RIN2: variants seen among roughly 807,000 people sequenced by gnomAD.
RIN2 encodes RAB5 interacting protein 2.
In RIN2, 36 loss-of-function variants were observed where a neutral mutation model predicts 78.0. The ratio of observed to expected loss-of-function variants is 0.46; its 90% confidence interval spans 0.35 to 0.61. RIN2 has a LOEUF of 0.61. Ranked by LOEUF, RIN2 falls within the 20% of genes least tolerant of loss-of-function variation. The pLI is 0.00. For synonymous variants in RIN2, 466 were observed against 466.8 expected (o/e 1.00, Z 0.02); for missense variants, 1,087 against 1,159.7 (o/e 0.94, Z 0.91).
At chr20:19,765,216 C>T (rs2033836530) in intron 1 of RIN2, among the ~76,000 whole-genome samples, 1 of 152,112 alleles carries the variant, frequency 6.6e-6, no homozygotes, top group Non-Finnish European at 1.5e-5. Flanking sequence ...ATTAATTCTT[C>T]CAGTGAAATT....
intron 2 of RIN2, among the ~76,000 whole-genome samples, chr20:19,801,464 GC>G (rs989250666): frequency 1.4e-4 from 22 of 151,992 alleles, no homozygotes; most frequent in African/African-American, 5.3e-4. Context: ...GGGACTACAG[GC>G]CCCCACCACC....
chr20:19,838,191 G>GT (rs2036477172), intron 2 of RIN2, among the ~76,000 whole-genome samples: 1 of 152,144 alleles, frequency 6.6e-6, no homozygotes, highest in East Asian at 1.9e-4. Context: ...TCTGCAATAA[G>GT]TAAGTCTAAG....
intron 3 of RIN2, chr20:19,934,461 G>C (rs1044090346): frequency 1.3e-5 from 13 of 984,852 alleles, no homozygotes; most frequent in Non-Finnish European, 1.6e-5. Context: ...AGATGGGGCC[G>C]CCTTTTCCCC....
chr20:19,844,600 CCTCTTCTTCTTCT>C (rs2036682821), intron 2 of RIN2, among the ~76,000 whole-genome samples: 3 of 74,812 alleles, frequency 4.0e-5, no homozygotes, highest in Non-Finnish European at 5.8e-5. Context: ...GCTGCTTCTT[CCTCTTCTTCTTCT>C]TCTTCTTCTT....
At chr20:19,981,092 G>A (rs1174196704) in intron 9 of RIN2, among the ~76,000 whole-genome samples, 1 of 152,136 alleles carries the variant, frequency 6.6e-6, no homozygotes, top group Non-Finnish European at 1.5e-5. Context: ...TTAATCCTCC[G>A]AATGCCTTGG....
chr20:19,861,684 G>C (rs116773229), intron 2 of RIN2, among the ~76,000 whole-genome samples: 1 of 127,308 alleles, frequency 7.9e-6, no homozygotes, highest in Non-Finnish European at 1.6e-5. Flanking sequence ...ATGACCCTCC[G>C]TATCTGATCA....
chr20:19,988,719 A>G (rs1002716341), intron 9 of RIN2, among the ~76,000 whole-genome samples: 2 of 152,146 alleles, frequency 1.3e-5, no homozygotes, highest in African/African-American at 4.8e-5. Flanking sequence ...CGCCTCCCAC[A>G]CCCAAAGGTG....
At chr20:19,895,362 G>A (rs536632117) in intron 3 of RIN2, among the ~76,000 whole-genome samples, 107 of 152,196 alleles carry the variant, frequency 7.0e-4, no homozygotes, top group African/African-American at 2.4e-3. Context: ...TGAATTGTCC[G>A]GTCGACAGTT....
intron 2 of RIN2, among the ~76,000 whole-genome samples, chr20:19,865,650 G>A (rs549661624): frequency 6.6e-6 from 1 of 151,914 alleles, no homozygotes; most frequent in Non-Finnish European, 1.5e-5. Context: ...ACCAGGCCCA[G>A]CTAATTTTTA....
At chr20:19,880,506 C>T (rs1048021722) in intron 2 of RIN2, among the ~76,000 whole-genome samples, 6 of 148,058 alleles carry the variant, frequency 4.1e-5, no homozygotes, top group Admixed American at 2.1e-4. Flanking sequence ...AGCGATTCTT[C>T]CACATCATCC....
chr20:19,862,128 T>G (rs1364815247), intron 2 of RIN2, among the ~76,000 whole-genome samples: 1 of 152,264 alleles, frequency 6.6e-6, no homozygotes, highest in Non-Finnish European at 1.5e-5. Context: ...CCTGCTAGGT[T>G]GGTTTAGCCA....
chr20:19,943,029 C>A (rs781346214), intron 4 of RIN2, among the ~76,000 whole-genome samples: 5 of 152,240 alleles, frequency 3.3e-5, no homozygotes, highest in Non-Finnish European at 5.9e-5. Flanking sequence ...ATACTAGAAA[C>A]TGCCAATCCA....
chr20:19,859,093 C>T (rs2123262051), intron 2 of RIN2, among the ~76,000 whole-genome samples: 1 of 152,304 alleles, frequency 6.6e-6, no homozygotes, highest in Middle Eastern at 3.4e-3. Flanking sequence ...TACTTCCATG[C>T]CAGGCCCTTC....
intron 4 of RIN2, among the ~76,000 whole-genome samples, chr20:19,947,926 G>A (rs1285899184): frequency 6.6e-6 from 1 of 152,236 alleles, no homozygotes; most frequent in Non-Finnish European, 1.5e-5. Context: ...ATACCTTGTG[G>A]AGCCTGACAT....
At position 19,782,660 on chromosome 20, in the gene RIN2, G is replaced by A. The variant is rs935325493; in HGVS notation, c.-162-16962G>A. Among the ~76,000 whole-genome samples the A allele has an allele frequency of 1.2e-4, 18 of 151,982 alleles. 1 individual carries two copies. The highest frequency in any genetic ancestry group is 4.3e-4 in the African/African-American group (18 of 41,456). ...CTGATGTCCCCAAGAATTGGAAAAA[G>A]CCTGATTCTACCTGTAAATGTGCAT... On this transcript the variant is annotated intron_variant, in intron 1 of 12. Transcript: ENST00000255006.
At chr20:19,853,087 G>A (rs555954919) in intron 2 of RIN2, among the ~76,000 whole-genome samples, 13 of 138,572 alleles carry the variant, frequency 9.4e-5, no homozygotes, top group Admixed American at 5.9e-4. Context: ...CTGTGTCCAT[G>A]TGTTCTCATT....
At chr20:19,958,876 A>G (rs2041643406) in intron 5 of RIN2, among the ~76,000 whole-genome samples, 1 of 152,148 alleles carries the variant, frequency 6.6e-6, no homozygotes, top group Non-Finnish European at 1.5e-5. Flanking sequence ...CTAAAAATAA[A>G]ATAATTAAAT....
intron 1 of RIN2, among the ~76,000 whole-genome samples, chr20:19,797,277 A>G (rs1366212884): frequency 2.0e-5 from 3 of 152,134 alleles, no homozygotes; most frequent in Non-Finnish European, 4.4e-5. Flanking sequence ...CTCTTAGAAT[A>G]TGCAGGCCCA....
At chr20:19,973,319 C>T (rs1308057087) in intron 8 of RIN2, among the ~76,000 whole-genome samples, 1 of 152,002 alleles carries the variant, frequency 6.6e-6, no homozygotes, top group Non-Finnish European at 1.5e-5. Context: ...GTGCGGGAGT[C>T]GGGAGAGAGA....
Sources: allele counts gnomAD v4.1 joint callset (sites outside exome capture counted in the v4.1 genomes callset), GRCh38; gene constraint gnomAD v4.1.1; transcripts MANE v1.5; gene names NCBI Gene and HGNC (gene_info 2026-07-23, HGNC 2026-07-21).